The following ARHGEF28 variants were observed in gnomAD, a reference collection of about 807,000 sequenced individuals.
ARHGEF28 encodes 190 kDa guanine nucleotide exchange factor.
Under a neutral mutation model 206.6 loss-of-function variants are expected in ARHGEF28, and 152 were observed. The ratio of observed to expected loss-of-function variants is 0.74; its 90% CI spans 0.64 to 0.84. The LOEUF is 0.84. Among genes scored for constraint, ARHGEF28 ranks in the 40% least tolerant of loss-of-function variants. The pLI is 0.00. For missense variants in ARHGEF28, 2,028 were observed against 2,073.2 expected (o/e 0.98, Z 0.42); for synonymous variants, 763 against 776.4 (o/e 0.98, Z 0.29).
chr5:73,658,248 TTACTC>T (rs1745352761), intron 1 of ARHGEF28, among the ~76,000 whole-genome samples: 2 of 152,154 alleles, frequency 1.3e-5, no homozygotes, highest in Admixed American at 1.3e-4. Context: ...TTTCTTCTCT[TTACTC>T]TAATGTTCAT....
chr5:73,692,131 G>T (rs987753189), intron 2 of ARHGEF28, among the ~76,000 whole-genome samples: 1 of 152,164 alleles, frequency 6.6e-6, no homozygotes, highest in African/African-American at 2.4e-5. Context: ...GTTAAATTTT[G>T]TATGTTGATT....
intron 1 of ARHGEF28, among the ~76,000 whole-genome samples, chr5:73,646,633 T>G (rs571885163): frequency 7.9e-5 from 12 of 152,280 alleles, no homozygotes; most frequent in Non-Finnish European, 1.3e-4. Context: ...TTCTGGCCCT[T>G]CGGATCAATA....
At chr5:73,735,919 C>A (rs911898476) in intron 2 of ARHGEF28, among the ~76,000 whole-genome samples, 1 of 152,188 alleles carries the variant, frequency 6.6e-6, no homozygotes, top group Non-Finnish European at 1.5e-5. Flanking sequence ...TTCAGAGAGG[C>A]CTTTCCTGAC....
chr5:73,782,627 C>A (rs899263902), intron 7 of ARHGEF28, among the ~76,000 whole-genome samples: 1 of 152,180 alleles, frequency 6.6e-6, no homozygotes, highest in Non-Finnish European at 1.5e-5. Flanking sequence ...TTACTATTCT[C>A]CCCTGTGGGT....
intron 10 of ARHGEF28, among the ~76,000 whole-genome samples, chr5:73,835,418 C>T (rs1173618712): frequency 2.0e-5 from 3 of 148,634 alleles, no homozygotes; most frequent in South Asian, 2.1e-4. Context: ...TGCAGTGAGC[C>T]GAGATTGTGC....
At chr5:73,815,882 T>C (rs533879982) in intron 9 of ARHGEF28, among the ~76,000 whole-genome samples, 2 of 152,068 alleles carry the variant, frequency 1.3e-5, no homozygotes, top group East Asian at 3.9e-4. Context: ...TGAGTGAAAA[T>C]AAGGTTGGTA....
intron 35 of ARHGEF28, among the ~76,000 whole-genome samples, chr5:73,937,863 G>C (rs1251574435): frequency 6.6e-6 from 1 of 152,132 alleles, no homozygotes; most frequent in African/African-American, 2.4e-5. Context: ...TTGCTGTGCT[G>C]GTTCTTTCAG....
chr5:73,897,838 AT>A lies in ARHGEF28; in HGVS notation c.3842-119del. The stretch of plus-strand genomic sequence containing the variant: ...GACAACCTTTAAAAATGTAAAAATC[AT>A]TTTTAGCCCCTGGGTCCTATAAAAA... On this transcript the variant is annotated intron_variant, in intron 29 of 35. Coordinates refer to ENST00000513042, the MANE Select transcript of ARHGEF28 (RefSeq NM_001177693.2). The A allele has an allele frequency of 6.3e-6, 7 of 1,116,868 alleles. No homozygotes were observed. The South Asian group carries it at 1.1e-4, about 18-fold the overall frequency. The allele number at this position is 1,116,868 out of a possible 1,614,324, so 69.2% of individuals were successfully genotyped here.
At chr5:73,714,927 G>A (rs1749486092) in intron 2 of ARHGEF28, among the ~76,000 whole-genome samples, 1 of 152,108 alleles carries the variant, frequency 6.6e-6, no homozygotes, top group Non-Finnish European at 1.5e-5. Flanking sequence ...TGTTGAGAAA[G>A]TAAAACTTCA....
intron 4 of ARHGEF28, among the ~76,000 whole-genome samples, chr5:73,753,441 G>A (rs574083958): frequency 4.5e-4 from 69 of 152,194 alleles, no homozygotes; most frequent in Non-Finnish European, 9.1e-4. Flanking sequence ...GGGAAAGACT[G>A]TTTCTTTATG....
At chr5:73,699,331 C>T (rs2112281589) in intron 2 of ARHGEF28, among the ~76,000 whole-genome samples, 1 of 151,816 alleles carries the variant, frequency 6.6e-6, no homozygotes, top group Admixed American at 6.6e-5. Flanking sequence ...TGTCTTCAGC[C>T]CTTCCTTCTT....
chr5:73,821,596 G>T (rs542743532), intron 9 of ARHGEF28, among the ~76,000 whole-genome samples: 4 of 152,204 alleles, frequency 2.6e-5, no homozygotes, highest in Admixed American at 1.3e-4. Context: ...TTATATTTTT[G>T]GAGTCACTTG....
intron 10 of ARHGEF28, among the ~76,000 whole-genome samples, chr5:73,839,013 T>G (rs1030341766): frequency 2.0e-5 from 3 of 152,206 alleles, no homozygotes; most frequent in African/African-American, 7.2e-5. Flanking sequence ...CAGACCAGTA[T>G]TTTTGTTCTT....
At chr5:73,908,285 C>T (rs535159136) in intron 33 of ARHGEF28, 1 of 152,256 alleles carries the variant, frequency 6.6e-6, no homozygotes, top group South Asian at 2.1e-4. Flanking sequence ...AGTTCTTTAA[C>T]TTTCAAAAGT....
chr5:73,860,289 T>C (rs979775914), intron 16 of ARHGEF28, among the ~76,000 whole-genome samples: 2 of 152,226 alleles, frequency 1.3e-5, no homozygotes, highest in Non-Finnish European at 1.5e-5. Flanking sequence ...TGTATTTCCA[T>C]ATTCAGTTGC....
intron 34 of ARHGEF28, among the ~76,000 whole-genome samples, chr5:73,910,539 C>G (rs775477278): frequency 6.6e-6 from 1 of 152,054 alleles, no homozygotes; most frequent in African/African-American, 2.4e-5. Flanking sequence ...ACACTCACTG[C>G]GAGCGTGCTC....
chr5:73,696,471 G>A (rs930996105), intron 2 of ARHGEF28, among the ~76,000 whole-genome samples: 5 of 152,128 alleles, frequency 3.3e-5, no homozygotes, highest in East Asian at 3.8e-4. Flanking sequence ...CAGCTCAAAT[G>A]TCACATCCTT....
intron 7 of ARHGEF28, among the ~76,000 whole-genome samples, chr5:73,790,274 CA>C (rs1160196471): frequency 6.7e-6 from 1 of 148,672 alleles, no homozygotes; most frequent in East Asian, 2.0e-4. Flanking sequence ...AACCTCCAGA[CA>C]AAAAAAACTG....
chr5:73,932,065 A>G (rs1043704216), intron 35 of ARHGEF28, among the ~76,000 whole-genome samples: 2 of 152,246 alleles, frequency 1.3e-5, no homozygotes, highest in African/African-American at 4.8e-5. Flanking sequence ...TGTTCTAAGA[A>G]ACTTGAAATA....
Sources: allele counts gnomAD v4.1 joint callset (sites outside exome capture counted in the v4.1 genomes callset), GRCh38; gene constraint gnomAD v4.1.1; transcripts MANE v1.5; gene names NCBI Gene and HGNC (gene_info 2026-07-23, HGNC 2026-07-21).